SEMA6A: variants seen among roughly 807,000 people sequenced by gnomAD.
SEMA6A encodes semaphorin 6A.
Under a neutral mutation model 96.8 loss-of-function variants are expected in SEMA6A, and 25 were observed. The ratio of observed to expected loss-of-function variants is 0.26; its 90% CI spans 0.19 to 0.36. The LOEUF (loss-of-function observed/expected upper bound fraction) is 0.36. Ranked by LOEUF, SEMA6A falls within the 10% of genes least tolerant of loss-of-function variation. SEMA6A has a pLI of 1.00. For missense variants in SEMA6A, 1,363 were observed against 1,323.1 expected, an observed-to-expected ratio of 1.03 and a Z score of -0.47; for synonymous variants, 612 against 518.0, an observed-to-expected ratio of 1.18 and a Z score of -2.46.
chr5:116,529,744 A>G (rs1759379801), intron 1 of SEMA6A, among the ~76,000 whole-genome samples: 1 of 152,186 alleles, frequency 6.6e-6, no homozygotes, highest in South Asian at 2.1e-4. Flanking sequence ...ACAGGAACAG[A>G]AAACCAAATA....
In SEMA6A at chr5:116,524,771, TACAC is replaced by T. The variant is rs905399420; in HGVS notation, c.-38-19793_-38-19790del. ...GTGTGTATAATTACATGGGTATGTA[TACAC>T]ACACACACACACAGACACACACACA... On this transcript the variant is annotated intron_variant, in intron 1 of 18. Coordinates refer to ENST00000343348, the MANE Select transcript of SEMA6A (RefSeq NM_020796.5). Among the ~76,000 whole-genome samples the T allele has an allele frequency of 1.2e-3, 23 of 19,110 alleles. No individual in the cohort carries two copies. In the Admixed American group the frequency reaches 0.02, roughly 17 times the overall value. 12.5% of individuals were successfully genotyped at this position (19,110 alleles called of 152,430 possible). A position where few individuals can be genotyped will look rare whatever the true frequency, so the allele number is the denominator to read the frequency against.
Position 116,551,884 on chromosome 5 carries a change from G to A in SEMA6A, c.-39+22301C>T, listed in dbSNP as rs116706148. On this transcript the variant is annotated intron_variant, in intron 1 of 18. Coordinates refer to ENST00000343348, the MANE Select transcript of SEMA6A (RefSeq NM_020796.5). ...AGTGTGTCTGGACTGACAATGTAAC[G>A]TATCAGGAGCCATCAACTTTCTGAC... Among the ~76,000 whole-genome samples the A allele has an allele frequency of 4.6e-3, 696 of 152,282 alleles. 9 individuals carry two copies. The highest frequency in any genetic ancestry group is 0.014 in the African/African-American group (581 of 41,552).
chr5:116,454,630 G>C (rs968478830), intron 18 of SEMA6A, among the ~76,000 whole-genome samples: 2 of 152,152 alleles, frequency 1.3e-5, no homozygotes, highest in Non-Finnish European at 2.9e-5. Context: ...TGACCACGCT[G>C]AAAGTGAAAT....
intron 18 of SEMA6A, among the ~76,000 whole-genome samples, chr5:116,466,015 G>T (rs1310949477): frequency 6.9e-6 from 1 of 144,884 alleles, no homozygotes; most frequent in Non-Finnish European, 1.5e-5. Flanking sequence ...GGAAAGAGCA[G>T]GGAATCCCTC....
chr5:116,451,523 G>A (rs1352669309), intron 18 of SEMA6A, among the ~76,000 whole-genome samples: 1 of 152,324 alleles, frequency 6.6e-6, no homozygotes, highest in African/African-American at 2.4e-5. Context: ...AGTGGAAAAT[G>A]TTGGCAATTA....
chr5:116,515,994 GTC>G lies in SEMA6A; in HGVS notation c.-38-11014_-38-11013del, dbSNP rs565214768. Among the ~76,000 whole-genome samples the G allele has an allele frequency of 6.6e-3, 1,011 of 152,288 alleles. 15 individuals carry two copies. The highest frequency in any genetic ancestry group is 0.023 in the African/African-American group (974 of 41,550). ...GTTTGTCAACATTTTTGGTAAGACA[GTC>G]TCAAGATCAGGAAGAAAGTGAAAAC... On this transcript the variant is annotated intron_variant, in intron 1 of 18. Transcript: ENST00000343348.
chr5:116,460,299 A>G (rs1242883557), intron 18 of SEMA6A, among the ~76,000 whole-genome samples: 1 of 152,186 alleles, frequency 6.6e-6, no homozygotes, highest in African/African-American at 2.4e-5. Flanking sequence ...CACATTTCAA[A>G]CACATATATA....
At chr5:116,496,446 A>G (rs1481586652) in intron 4 of SEMA6A, 133 bp from the exon 5 acceptor site, 3 of 635,820 alleles carry the variant, frequency 4.7e-6, no homozygotes, top group Non-Finnish European at 7.9e-6. Context: ...TTTCTCCATG[A>G]TTAATTCACC....
chr5:116,573,191 GCCC>G (rs1266265741), intron 1 of SEMA6A, among the ~76,000 whole-genome samples: 1 of 152,174 alleles, frequency 6.6e-6, no homozygotes, highest in East Asian at 1.9e-4. Flanking sequence ...ACTCTCCAGC[GCCC>G]CATTGCCCCC....
chr5:116,551,964 C>T (rs1760433939), intron 1 of SEMA6A, among the ~76,000 whole-genome samples: 1 of 152,204 alleles, frequency 6.6e-6, no homozygotes, highest in South Asian at 2.1e-4. Flanking sequence ...AAGGATTCTC[C>T]TGAGAACCAG....
At chr5:116,534,595 A>C (rs956044550) in intron 1 of SEMA6A, among the ~76,000 whole-genome samples, 1 of 152,162 alleles carries the variant, frequency 6.6e-6, no homozygotes, top group African/African-American at 2.4e-5. Context: ...ATCATCATCT[A>C]TGTGGGTTCC....
intron 5 of SEMA6A, 96 bp from the exon 6 acceptor site, chr5:116,495,610 T>A: frequency 1.2e-6 from 1 of 804,418 alleles, no homozygotes; most frequent in Non-Finnish European, 2.0e-6. Flanking sequence ...AAGGTTAAAG[T>A]GGAGGTGGCT....
At chr5:116,562,476 TA>T (rs1204336863) in intron 1 of SEMA6A, 3 of 412,684 alleles carry the variant, frequency 7.3e-6, no homozygotes, top group African/African-American at 4.1e-5. Context: ...ATATTTGTTC[TA>T]AAACTCATGA....
intron 1 of SEMA6A, among the ~76,000 whole-genome samples, chr5:116,522,453 T>C (rs1434978029): frequency 2.0e-5 from 3 of 152,170 alleles, no homozygotes; most frequent in Non-Finnish European, 2.9e-5. Context: ...TGAGGGAATT[T>C]ATAGGCATTG....
intron 9 of SEMA6A, 32 bp downstream of exon 9, chr5:116,488,066 GAAAATGTTAC>G: frequency 7.5e-7 from 1 of 1,333,448 alleles, no homozygotes. Flanking sequence ...GTGGGTTTCT[GAAAATGTTAC>G]AAACTGAGCC....
intron 1 of SEMA6A, among the ~76,000 whole-genome samples, chr5:116,523,325 T>C (rs1759049728): frequency 2.0e-5 from 3 of 152,114 alleles, no homozygotes; most frequent in Non-Finnish European, 4.4e-5. Flanking sequence ...CAGTTTCTTT[T>C]CTTTTTGAGA....
At chr5:116,510,033 G>A (rs984508796) in intron 1 of SEMA6A, among the ~76,000 whole-genome samples, 3 of 152,080 alleles carry the variant, frequency 2.0e-5, no homozygotes, top group Non-Finnish European at 4.4e-5. Context: ...TTTGTGGCAA[G>A]CATGAGGGGT....
intron 18 of SEMA6A, chr5:116,449,433 A>G (rs1250084654): frequency 1.4e-6 from 1 of 696,600 alleles, no homozygotes; most frequent in Non-Finnish European, 2.6e-6. Context: ...AAGGAAATAA[A>G]GATCTCTACC....
chr5:116,532,664 T>C (rs1759534729), intron 1 of SEMA6A, among the ~76,000 whole-genome samples: 2 of 152,192 alleles, frequency 1.3e-5, no homozygotes, highest in Non-Finnish European at 2.9e-5. Flanking sequence ...TCCCATTTTC[T>C]AACCATCTTG....
Sources: gnomAD v4.1 joint callset for allele counts (sites outside exome capture counted in the v4.1 genomes callset) on GRCh38, gnomAD v4.1.1 for gene constraint, MANE v1.5 for transcripts, NCBI Gene and HGNC (gene_info 2026-07-23, HGNC 2026-07-21) for gene names.